The following FBXL7 variants were observed in gnomAD, a reference collection of about 807,000 sequenced individuals.
FBXL7 encodes the protein F-box and leucine rich repeat protein 7.
FBXL7 carries 12 observed loss-of-function variants against 38.3 expected under a neutral mutation model. That is an observed-to-expected ratio of 0.31 (90% CI 0.20 to 0.51). The LOEUF (loss-of-function observed/expected upper bound fraction) is 0.51, where lower values mean the gene tolerates loss of function less well. Among genes scored for constraint, FBXL7 ranks in the 20% least tolerant of loss-of-function variants. The probability of loss-of-function intolerance (pLI) is 0.98; values close to 1 mark genes in which losing one functional copy is unlikely to be tolerated. For synonymous variants in FBXL7, 297 were observed against 300.9 expected (o/e 0.99, Z 0.13); for missense variants, 567 against 676.4 (o/e 0.84, Z 1.79).
At chr5:15,503,731 C>A (rs929885300) in intron 1 of FBXL7, among the ~76,000 whole-genome samples, 1 of 152,122 alleles carries the variant, frequency 6.6e-6, no homozygotes, top group Non-Finnish European at 1.5e-5. Flanking sequence ...AAATTTAATT[C>A]GGCTGAAGTT....
chr5:15,738,128 A>G (rs1195680142), intron 2 of FBXL7, among the ~76,000 whole-genome samples: 1 of 152,148 alleles, frequency 6.6e-6, no homozygotes, highest in Non-Finnish European at 1.5e-5. Flanking sequence ...GCATAGTATG[A>G]TAATTAACAC....
intron 2 of FBXL7, among the ~76,000 whole-genome samples, chr5:15,639,665 A>C (rs1201638670): frequency 6.6e-6 from 1 of 152,130 alleles, no homozygotes; most frequent in Non-Finnish European, 1.5e-5. Context: ...TCATTTGAGA[A>C]AATGGAGATA....
At chr5:15,799,715 A>G (rs1173746531) in intron 2 of FBXL7, among the ~76,000 whole-genome samples, 2 of 152,148 alleles carry the variant, frequency 1.3e-5, no homozygotes, top group Non-Finnish European at 2.9e-5. Flanking sequence ...GTCTTAATTC[A>G]AAAGCTTGAG....
intron 1 of FBXL7, among the ~76,000 whole-genome samples, chr5:15,569,849 G>A (rs973765213): frequency 5.3e-5 from 8 of 152,208 alleles, no homozygotes; most frequent in South Asian, 2.1e-4. Flanking sequence ...TGAGATAATC[G>A]TATGGTTTTT....
At chr5:15,680,288 C>A (rs538274283) in intron 2 of FBXL7, among the ~76,000 whole-genome samples, 6 of 152,196 alleles carry the variant, frequency 3.9e-5, no homozygotes, top group Non-Finnish European at 5.9e-5. Context: ...GGGTAAAATT[C>A]TTTTAGTATA....
chr5:15,872,415 A>G (rs987718071), intron 2 of FBXL7, among the ~76,000 whole-genome samples: 4 of 152,138 alleles, frequency 2.6e-5, no homozygotes, highest in Admixed American at 6.6e-5. Context: ...ACATAACAAT[A>G]ACAATAACAA....
intron 1 of FBXL7, among the ~76,000 whole-genome samples, chr5:15,563,355 C>T (rs975382631): frequency 3.9e-5 from 6 of 152,196 alleles, no homozygotes; most frequent in South Asian, 2.1e-4. Flanking sequence ...GCTATTTAAA[C>T]GTTGACCTTG....
chr5:15,832,373 G>T (rs554030958), intron 2 of FBXL7, among the ~76,000 whole-genome samples: 4 of 152,274 alleles, frequency 2.6e-5, no homozygotes, highest in African/African-American at 9.6e-5. Context: ...ACTCACTAGG[G>T]AATAAATCAA....
At chr5:15,642,540 C>T (rs1741402343) in intron 2 of FBXL7, among the ~76,000 whole-genome samples, 2 of 152,200 alleles carry the variant, frequency 1.3e-5, no homozygotes, top group African/African-American at 4.8e-5. Context: ...GAAACCTGCT[C>T]TTCCTTACAC....
chr5:15,804,502 T>C (rs972186409), intron 2 of FBXL7, among the ~76,000 whole-genome samples: 15 of 152,098 alleles, frequency 9.9e-5, no homozygotes, highest in African/African-American at 3.6e-4. Flanking sequence ...ATAAATAAAA[T>C]GTTTACAGTT....
At chr5:15,869,498 C>T (rs373893589) in intron 2 of FBXL7, among the ~76,000 whole-genome samples, 11 of 152,286 alleles carry the variant, frequency 7.2e-5, no homozygotes, top group East Asian at 1.9e-4. Context: ...CAATAAATTA[C>T]GTCATCTTCC....
At chr5:15,867,368 A>C (rs764758197) in intron 2 of FBXL7, among the ~76,000 whole-genome samples, 45 of 152,328 alleles carry the variant, frequency 3.0e-4, no homozygotes, top group Middle Eastern at 3.4e-3. Context: ...CACGTCCTAC[A>C]GAAAGCCTGT....
chr5:15,715,583 C>T (rs1579401938), intron 2 of FBXL7, among the ~76,000 whole-genome samples: 1 of 152,048 alleles, frequency 6.6e-6, no homozygotes, highest in East Asian at 1.9e-4. Flanking sequence ...TTGTGGGCCA[C>T]GTGGTCTCTG....
intron 1 of FBXL7, among the ~76,000 whole-genome samples, chr5:15,570,438 C>G (rs927326508): frequency 2.0e-5 from 3 of 152,158 alleles, no homozygotes; most frequent in African/African-American, 7.2e-5. Context: ...GTGGTGATAT[C>G]CCCTTTATCA....
chr5:15,634,357 T>G (rs1187216802), intron 2 of FBXL7, among the ~76,000 whole-genome samples: 1 of 147,610 alleles, frequency 6.8e-6, no homozygotes, highest in Non-Finnish European at 1.5e-5. Flanking sequence ...AGTCTCGTTC[T>G]GTTGCCCAGT....
At chr5:15,717,057 A>G (rs1402313403) in intron 2 of FBXL7, among the ~76,000 whole-genome samples, 1 of 152,204 alleles carries the variant, frequency 6.6e-6, no homozygotes, top group African/African-American at 2.4e-5. Flanking sequence ...TAGCTTTGGT[A>G]TGACTTTACC....
chr5:15,677,564 G>GAAGT (rs1400340026), intron 2 of FBXL7, among the ~76,000 whole-genome samples: 3 of 151,292 alleles, frequency 2.0e-5, no homozygotes, highest in Admixed American at 6.6e-5. Flanking sequence ...AGGAAGGAAG[G>GAAGT]AAATTTCTAG....
At chr5:15,793,099 G>A (rs971659753) in intron 2 of FBXL7, among the ~76,000 whole-genome samples, 5 of 152,188 alleles carry the variant, frequency 3.3e-5, no homozygotes, top group African/African-American at 1.2e-4. Context: ...TCTGCAGCTG[G>A]CAGATGGAGG....
At chr5:15,603,849 G>A (rs558187906) in intron 1 of FBXL7, among the ~76,000 whole-genome samples, 19 of 152,254 alleles carry the variant, frequency 1.2e-4, no homozygotes, top group South Asian at 6.2e-4. Flanking sequence ...TTAAGAGGAC[G>A]TGTGGGGCCA....
Sources: gnomAD v4.1 joint callset for allele counts (sites outside exome capture counted in the v4.1 genomes callset) on GRCh38, gnomAD v4.1.1 for gene constraint, MANE v1.5 for transcripts, NCBI Gene and HGNC (gene_info 2026-07-23, HGNC 2026-07-21) for gene names.